The following CEP85L variants were observed in gnomAD, a reference collection of about 807,000 sequenced individuals.
CEP85L encodes centrosomal protein 85L.
CEP85L carries 60 observed loss-of-function variants against 100.3 expected under a neutral mutation model. The ratio of observed to expected loss-of-function variants is 0.60; its 90% CI spans 0.49 to 0.74. The LOEUF (loss-of-function observed/expected upper bound fraction) is 0.74. Ranked by LOEUF, CEP85L falls within the 30% of genes least tolerant of loss-of-function variation. The pLI, the probability that CEP85L is intolerant of heterozygous loss-of-function variation, is 0.00. For synonymous variants in CEP85L, 319 were observed against 322.7 expected, an observed-to-expected ratio of 0.99 and a Z score of 0.12; for missense variants, 973 against 936.2, an observed-to-expected ratio of 1.04 and a Z score of -0.51.
rs751661999 is a variant in CEP85L at position 118,565,711 on chromosome 6, G to C, written c.838C>G (p.Leu280Val). Residue 280 changes from leucine to valine, a missense_variant, in exon 3 of 13, where the codon CTT (leucine) becomes GTT (valine). Leu to Val is a conservative substitution (Grantham distance 32). This residue lies in a region of CEP85L where 890 missense variants were observed against 844.5 expected (regional missense o/e 1.05). Transcript: ENST00000368491. ...ACTCCACCTACTGCCTGTTGACCAAGCATTAAATATTTTGGAGGTTCAAAA... is the reference window on the plus strand; with the variant it reads ...ACTCCACCTACTGCCTGTTGACCAACCATTAAATATTTTGGAGGTTCAAAA... ...EAFEPPKYLM[L>V]GQQAVGGVPI... 1.9e-5 allele frequency: 30 copies of C among 1,614,020 alleles called. No homozygotes were observed. Among genetic ancestry groups the C allele is most frequent in the Non-Finnish European group, 2.4e-5 (28 of 1,180,024 alleles).
chr6:118,467,990 T>G lies in CEP85L; in HGVS notation c.2254+1082A>C, dbSNP rs1049784221. ...GGTTAATGTGTGGACAAGGACTGTGTTCAGGTTATCTGCATTACCAGCACT... is the reference window on the plus strand; with the variant it reads ...GGTTAATGTGTGGACAAGGACTGTGGTCAGGTTATCTGCATTACCAGCACT... On this transcript the variant is annotated intron_variant, in intron 12 of 12. Coordinates refer to ENST00000368491, the MANE Select transcript of CEP85L (RefSeq NM_001042475.3). Among the ~76,000 whole-genome samples, 3 of 152,220 alleles carry G rather than the reference T, an allele frequency of 2.0e-5. No individual in the cohort carries two copies. The East Asian group carries it at 5.8e-4, about 29-fold the overall frequency.
intron 3 of CEP85L, among the ~76,000 whole-genome samples, chr6:118,545,129 T>C (rs1421220882): frequency 2.6e-5 from 4 of 152,176 alleles, no homozygotes; most frequent in African/African-American, 9.7e-5. Flanking sequence ...TGTCTAAATA[T>C]TAAAATGCTT....
chr6:118,489,302 A>G (rs1214412750), intron 6 of CEP85L, among the ~76,000 whole-genome samples: 3 of 151,364 alleles, frequency 2.0e-5, no homozygotes, highest in Non-Finnish European at 4.4e-5. Flanking sequence ...AGAGATAAAG[A>G]TTTTCCCACA....
At chr6:118,514,050 T>C (rs754707659) in intron 4 of CEP85L, among the ~76,000 whole-genome samples, 2 of 152,082 alleles carry the variant, frequency 1.3e-5, no homozygotes, top group Non-Finnish European at 2.9e-5. Flanking sequence ...CATAAAATAG[T>C]ATAGTATTAC....
At chr6:118,478,791 G>T (rs1773570096) in intron 10 of CEP85L, among the ~76,000 whole-genome samples, 1 of 152,018 alleles carries the variant, frequency 6.6e-6, no homozygotes, top group African/African-American at 2.4e-5. Flanking sequence ...CTACAGACTT[G>T]GTTAACATAT....
chr6:118,480,009 T>G, intron 9 of CEP85L, 88 bp from the exon 10 acceptor site: 2 of 723,392 alleles, frequency 2.8e-6, no homozygotes, highest in Non-Finnish European at 4.5e-6. Context: ...CACAGAAATT[T>G]ATAAATTTAT....
chr6:118,566,627 C>A (rs1211818371), intron 2 of CEP85L, among the ~76,000 whole-genome samples: 1 of 152,180 alleles, frequency 6.6e-6, no homozygotes, highest in South Asian at 2.1e-4. Flanking sequence ...CCATGTTGGG[C>A]AGGCTGGTCT....
At chr6:118,645,429 T>C (rs1206817174) in intron 1 of CEP85L, among the ~76,000 whole-genome samples, 2 of 152,156 alleles carry the variant, frequency 1.3e-5, no homozygotes, top group Non-Finnish European at 2.9e-5. Context: ...ATCCCAATAC[T>C]TGGAAGGCCC....
In CEP85L at chr6:118,624,464, T is replaced by A. The variant is rs541392946; in HGVS notation, c.232+7989A>T. Among the ~76,000 whole-genome samples, 3 of 152,230 alleles carry A rather than the reference T, an allele frequency of 2.0e-5. No homozygotes were observed. In the South Asian group the frequency reaches 6.2e-4, roughly 32 times the overall value. ...CATGACTCCCTTTATAAGGATCTCCTAAGCTTCTTTTAACTCTCCTAAGTA... is the reference window on the plus strand; with the variant it reads ...CATGACTCCCTTTATAAGGATCTCCAAAGCTTCTTTTAACTCTCCTAAGTA... On this transcript the variant is annotated intron_variant, in intron 2 of 12. Coordinates refer to ENST00000368491, the MANE Select transcript of CEP85L (RefSeq NM_001042475.3).
At chr6:118,466,787 G>C (rs911596049) in intron 12 of CEP85L, among the ~76,000 whole-genome samples, 5 of 152,102 alleles carry the variant, frequency 3.3e-5, no homozygotes, top group Non-Finnish European at 5.9e-5. Flanking sequence ...GATCTGTCTG[G>C]CAACAATGTA....
At chr6:118,616,804 G>T (rs1274924457) in intron 2 of CEP85L, among the ~76,000 whole-genome samples, 3 of 151,880 alleles carry the variant, frequency 2.0e-5, no homozygotes, top group Non-Finnish European at 1.5e-5. Flanking sequence ...AATTAGCCAG[G>T]CGTGGTGGCG....
At chr6:118,677,637 T>C (rs2115439925) in intron 1 of CEP85L, among the ~76,000 whole-genome samples, 1 of 152,328 alleles carries the variant, frequency 6.6e-6, no homozygotes, top group East Asian at 1.9e-4. Context: ...TGAATTTACT[T>C]CAAACTCAAC....
chr6:118,515,952 G>C (rs771147194), intron 4 of CEP85L, among the ~76,000 whole-genome samples: 2 of 152,082 alleles, frequency 1.3e-5, no homozygotes, highest in African/African-American at 4.8e-5. Context: ...CCCTGTGTCA[G>C]TGTGTTCTCA....
chr6:118,496,366 A>ATTTTG (rs1194080598), intron 5 of CEP85L, among the ~76,000 whole-genome samples: 1 of 148,978 alleles, frequency 6.7e-6, no homozygotes, highest in Non-Finnish European at 1.5e-5. Context: ...TTTTTATTTT[A>ATTTTG]TTTTATTTTA....
chr6:118,508,411 G>T (rs1187152218), intron 5 of CEP85L, among the ~76,000 whole-genome samples: 1 of 151,940 alleles, frequency 6.6e-6, no homozygotes, highest in Admixed American at 6.6e-5. Flanking sequence ...AAAGAAAAAG[G>T]GTCCTTCATA....
At chr6:118,516,486 C>A (rs1776286345) in intron 4 of CEP85L, among the ~76,000 whole-genome samples, 1 of 152,144 alleles carries the variant, frequency 6.6e-6, no homozygotes, top group Non-Finnish European at 1.5e-5. Context: ...TTTTGATTTG[C>A]ATTTCTCTAA....
At chr6:118,674,412 T>A (rs1240571236) in intron 1 of CEP85L, among the ~76,000 whole-genome samples, 1 of 151,886 alleles carries the variant, frequency 6.6e-6, no homozygotes. Flanking sequence ...TAATCCCAGC[T>A]ACTTGGGAGG....
intron 5 of CEP85L, among the ~76,000 whole-genome samples, chr6:118,509,884 A>G (rs1362126432): frequency 6.6e-6 from 1 of 152,096 alleles, no homozygotes; most frequent in Admixed American, 6.5e-5. Context: ...TAATTAAGGA[A>G]AGTAGCCATT....
At chr6:118,581,967 A>G (rs1338904813) in intron 2 of CEP85L, among the ~76,000 whole-genome samples, 2 of 152,150 alleles carry the variant, frequency 1.3e-5, no homozygotes, top group Admixed American at 6.5e-5. Flanking sequence ...GAGATCCCCT[A>G]TGTACAGACT....
Sources: gnomAD v4.1 joint callset for allele counts (sites outside exome capture counted in the v4.1 genomes callset) on GRCh38, gnomAD v4.1.1 for gene constraint, gnomAD v4.1.1 regional missense constraint, MANE v1.5 for transcripts, NCBI Gene and HGNC (gene_info 2026-07-23, HGNC 2026-07-21) for gene names.